Variants in DGKB observed in about 807,000 individuals in gnomAD.
DGKB encodes diacylglycerol kinase beta, also known as 90 kDa diacylglycerol kinase.
A neutral mutation model predicts 114.3 loss-of-function variants in DGKB; 67 were observed. That is an observed-to-expected ratio of 0.59 (90% CI 0.48 to 0.72). The LOEUF (loss-of-function observed/expected upper bound fraction) is 0.72, where lower values mean the gene tolerates loss of function less well. Ranked by LOEUF, DGKB falls within the 30% of genes least tolerant of loss-of-function variation. DGKB has a pLI of 0.00. For missense variants in DGKB, 907 were observed against 975.2 expected, an observed-to-expected ratio of 0.93 and a Z score of 0.93; for synonymous variants, 398 against 323.1, an observed-to-expected ratio of 1.23 and a Z score of -2.49.
intron 23 of DGKB, among the ~76,000 whole-genome samples, chr7:14,334,596 T>C (rs1348888042): frequency 6.6e-6 from 1 of 152,112 alleles, no homozygotes; most frequent in Non-Finnish European, 1.5e-5. Flanking sequence ...ATTTTTTTTT[T>C]TTACATTTAT....
intron 1 of DGKB, among the ~76,000 whole-genome samples, chr7:14,846,216 T>C (rs1350562971): frequency 2.0e-5 from 3 of 152,184 alleles, no homozygotes; most frequent in Non-Finnish European, 4.4e-5. Flanking sequence ...ACTTTGGCTG[T>C]TGGATTTGGT....
intron 17 of DGKB, among the ~76,000 whole-genome samples, chr7:14,594,577 C>A (rs1802237323): frequency 6.6e-6 from 1 of 151,992 alleles, no homozygotes; most frequent in Non-Finnish European, 1.5e-5. Flanking sequence ...ATTTTATGGT[C>A]CAAATTCATC....
intron 23 of DGKB, chr7:14,209,640 A>G: frequency 2.6e-6 from 1 of 386,348 alleles, no homozygotes; most frequent in East Asian, 7.9e-5. Flanking sequence ...ATTTGAAGAA[A>G]AAAAGAAGCG....
intron 1 of DGKB, among the ~76,000 whole-genome samples, chr7:14,877,512 G>A (rs773799187): frequency 5.3e-5 from 8 of 152,242 alleles, no homozygotes; most frequent in Non-Finnish European, 7.4e-5. Flanking sequence ...CTGAGATAGC[G>A]CCATTGCACT....
chr7:14,624,146 G>A (rs1218587921), intron 14 of DGKB, among the ~76,000 whole-genome samples: 1 of 152,032 alleles, frequency 6.6e-6, no homozygotes, highest in African/African-American at 2.4e-5. Flanking sequence ...GTTACGTCAG[G>A]AACATATTTA....
At chr7:14,416,949 A>T (rs1022013514) in intron 21 of DGKB, among the ~76,000 whole-genome samples, 3 of 152,100 alleles carry the variant, frequency 2.0e-5, no homozygotes, top group Non-Finnish European at 4.4e-5. Flanking sequence ...CTCCCCAGGC[A>T]TCACTGACCG....
chr7:14,881,556 G>A (rs1170898628), intron 1 of DGKB, among the ~76,000 whole-genome samples: 2 of 152,098 alleles, frequency 1.3e-5, no homozygotes, highest in Non-Finnish European at 2.9e-5. Flanking sequence ...GAACAATTAA[G>A]TCATAAACAT....
rs186602853 is a variant in DGKB at position 14,209,161 on chromosome 7, T to A, written c.2123-31010A>T. The stretch of plus-strand genomic sequence containing the variant: ...ACATGAGTATAAGCCTGAGTAACTA[T>A]TACTACTGATAGAAAAAAAAAAAAC... On this transcript the variant is annotated intron_variant, in intron 23 of 25. Coordinates refer to ENST00000402815, the MANE Select transcript of DGKB (RefSeq NM_001350709.2). The A allele has an allele frequency of 1.8e-3, 501 of 277,280 alleles. 1 individual carries two copies. The highest frequency in any genetic ancestry group is 3.9e-3 in the Middle Eastern group (3 of 770). The allele number at this position is 277,280 out of a possible 1,614,324, so 17.2% of individuals were successfully genotyped here.
intron 21 of DGKB, among the ~76,000 whole-genome samples, chr7:14,405,908 A>T (rs1823859368): frequency 2.0e-5 from 3 of 151,980 alleles, no homozygotes; most frequent in African/African-American, 7.2e-5. Context: ...ATAGATGAGA[A>T]TCCAATCTTG....
intron 1 of DGKB, among the ~76,000 whole-genome samples, chr7:14,965,619 C>T (rs1000268129): frequency 2.0e-5 from 3 of 152,062 alleles, no homozygotes; most frequent in Non-Finnish European, 4.4e-5. Context: ...ATCTCATATA[C>T]ATTCATAAGT....
chr7:14,745,560 C>T (rs1487591282), intron 4 of DGKB, among the ~76,000 whole-genome samples: 1 of 152,178 alleles, frequency 6.6e-6, no homozygotes, highest in Non-Finnish European at 1.5e-5. Flanking sequence ...TTAACACATG[C>T]TCAGTAGGGA....
intron 1 of DGKB, among the ~76,000 whole-genome samples, chr7:14,941,877 T>C: frequency 6.6e-6 from 1 of 152,064 alleles, no homozygotes; most frequent in East Asian, 1.9e-4. Context: ...CAAAAAATAT[T>C]AAATCATTAC....
chr7:14,769,123 A>AGAG (rs1836942944), intron 2 of DGKB, among the ~76,000 whole-genome samples: 37 of 89,164 alleles, frequency 4.1e-4, no homozygotes, highest in Admixed American at 8.0e-4. Flanking sequence ...GAAAGAAAGA[A>AGAG]AGAGAGAGAG....
At chr7:14,602,758 T>C (rs529334289) in intron 17 of DGKB, among the ~76,000 whole-genome samples, 2 of 152,274 alleles carry the variant, frequency 1.3e-5, no homozygotes, top group African/African-American at 4.8e-5. Flanking sequence ...AATTAGCCAG[T>C]CTAAGGGATT....
chr7:14,457,860 A>G (rs927327298), intron 21 of DGKB, among the ~76,000 whole-genome samples: 1 of 152,240 alleles, frequency 6.6e-6, no homozygotes, highest in Non-Finnish European at 1.5e-5. Context: ...AATTGTATAC[A>G]TCTACATGAG....
At chr7:14,836,739 C>T (rs575678412) in intron 2 of DGKB, among the ~76,000 whole-genome samples, 3 of 152,348 alleles carry the variant, frequency 2.0e-5, no homozygotes, top group South Asian at 4.1e-4. Flanking sequence ...AACCCTAAAC[C>T]GGAGCACGGT....
At chr7:14,222,869 C>T (rs1235878274) in intron 23 of DGKB, among the ~76,000 whole-genome samples, 1 of 151,570 alleles carries the variant, frequency 6.6e-6, no homozygotes, top group African/African-American at 2.4e-5. Context: ...TTATATCCTA[C>T]TGAAGGATTG....
At chr7:14,664,002 A>T (rs1817609842) in intron 13 of DGKB, among the ~76,000 whole-genome samples, 1 of 151,878 alleles carries the variant, frequency 6.6e-6, no homozygotes, top group Admixed American at 6.6e-5. Context: ...TGAAATCTTT[A>T]CACTTGAGGT....
intron 5 of DGKB, among the ~76,000 whole-genome samples, chr7:14,725,449 A>T (rs533565367): frequency 6.6e-6 from 1 of 152,254 alleles, no homozygotes; most frequent in African/African-American, 2.4e-5. Context: ...ATGATGCCAA[A>T]TTTTCTGTAT....
Sources: gnomAD v4.1 joint callset for allele counts (sites outside exome capture counted in the v4.1 genomes callset) on GRCh38, gnomAD v4.1.1 for gene constraint, MANE v1.5 for transcripts, NCBI Gene and HGNC (gene_info 2026-07-23, HGNC 2026-07-21) for gene names.